OTUD3: variants seen among roughly 807,000 people sequenced by gnomAD.
OTUD3 encodes the protein OTU domain-containing protein 3.
A neutral mutation model predicts 46.2 loss-of-function variants in OTUD3; 24 were observed. The observed-to-expected ratio is 0.52, with a 90% CI of 0.38 to 0.73. OTUD3 has a LOEUF of 0.73. Ranked by LOEUF, OTUD3 falls within the 30% of genes least tolerant of loss-of-function variation. OTUD3 has a pLI of 0.00. For synonymous variants in OTUD3, 189 were observed against 195.4 expected (o/e 0.97, Z 0.27); for missense variants, 455 against 523.3 (o/e 0.87, Z 1.27).
At chr1:19,903,592 A>C (rs2045620812) in intron 4 of OTUD3, among the ~76,000 whole-genome samples, 5 of 152,180 alleles carry the variant, frequency 3.3e-5, no homozygotes, top group Admixed American at 6.5e-5. Flanking sequence ...TGGGAAGCAG[A>C]AGAAGAAGGT....
At chr1:19,901,147 T>C (rs1193834030) in intron 4 of OTUD3, among the ~76,000 whole-genome samples, 1 of 152,136 alleles carries the variant, frequency 6.6e-6, no homozygotes, top group South Asian at 2.1e-4. Flanking sequence ...TGACCTCAAG[T>C]GATCTGCTTA....
At chr1:19,882,830 C>T in intron 1 of OTUD3, 96 bp downstream of exon 1, 1 of 1,096,420 alleles carries the variant, frequency 9.1e-7, no homozygotes, top group Non-Finnish European at 1.2e-6. Context: ...TCCATTCATT[C>T]GGGCGGCCCG....
intron 4 of OTUD3, among the ~76,000 whole-genome samples, chr1:19,903,095 T>TG (rs2045613505): frequency 3.5e-5 from 5 of 140,876 alleles, no homozygotes; most frequent in African/African-American, 1.3e-4. Flanking sequence ...TTGTCCAGGC[T>TG]GGAATGCAGT....
chr1:19,904,871 T>G lies in OTUD3; in HGVS notation c.739-20T>G. On this transcript the variant is annotated intron_variant, in intron 5 of 7. Coordinates refer to ENST00000375120, the MANE Select transcript of OTUD3 (RefSeq NM_015207.2). ...CCAGAGTTTTGAAGTGGTTTTTTTG[T>G]TTGTTTGTTTCTTGGATAGGATTTT... 1 of 1,262,364 alleles carries G rather than the reference T, an allele frequency of 7.9e-7. No individual in the cohort carries two copies. Among genetic ancestry groups the G allele is most frequent in the Non-Finnish European group, 1.1e-6 (1 of 876,316 alleles). The allele number at this position is 1,262,364 out of a possible 1,614,324, so 78.2% of individuals were successfully genotyped here. A position where few individuals can be genotyped will look rare whatever the true frequency, so the allele number is the denominator to read the frequency against.
intron 3 of OTUD3, among the ~76,000 whole-genome samples, chr1:19,896,760 G>A (rs779621698): frequency 3.3e-5 from 5 of 152,212 alleles, no homozygotes; most frequent in Admixed American, 6.5e-5. Context: ...TTCTTTGGAC[G>A]TGGCGAGTTT....
chr1:19,886,275 G>C (rs1338530416), intron 1 of OTUD3, among the ~76,000 whole-genome samples: 2 of 152,112 alleles, frequency 1.3e-5, no homozygotes, highest in Non-Finnish European at 2.9e-5. Context: ...ATGTAGTTCT[G>C]AGTTACATTA....
chr1:19,898,238 G>A (rs747207854), intron 4 of OTUD3, among the ~76,000 whole-genome samples: 2 of 151,746 alleles, frequency 1.3e-5, no homozygotes, highest in Admixed American at 6.6e-5. Context: ...GTGAGCCACC[G>A]CACCTGGCCT....
chr1:19,905,011 A>G lies in OTUD3; in HGVS notation c.835+24A>G, dbSNP rs371366905. On this transcript the variant is annotated intron_variant, in intron 6 of 7. Coordinates refer to ENST00000375120, the MANE Select transcript of OTUD3 (RefSeq NM_015207.2). ...TAGTAAGTCCATGACTAATATTTAT[A>G]GATCTTCAAAATGGTTGTGTTGGTA... 8.7e-5 allele frequency: 102 copies of G among 1,171,998 alleles called. No individual in the cohort carries two copies. The African/African-American group carries it at 1.4e-3, about 16-fold the overall frequency. 72.6% of individuals were successfully genotyped at this position (1,171,998 alleles called of 1,614,324 possible).
At chr1:19,906,238 G>A (rs2045659460) in intron 6 of OTUD3, among the ~76,000 whole-genome samples, 194 bp from the exon 7 acceptor site, 1 of 152,190 alleles carries the variant, frequency 6.6e-6, no homozygotes, top group Non-Finnish European at 1.5e-5. Flanking sequence ...GGTTATTTTA[G>A]AATTTATCTT....
intron 4 of OTUD3, among the ~76,000 whole-genome samples, chr1:19,900,185 C>CT (rs1322714455): frequency 9.9e-5 from 15 of 152,042 alleles, no homozygotes; most frequent in Non-Finnish European, 1.9e-4. Flanking sequence ...TAGAATAGTA[C>CT]TTTCATAGTT....
rs1011756158 is a variant in OTUD3 at position 19,908,014 on chromosome 1, G to A, written c.*268G>A. 9.2e-5 allele frequency: 28 copies of A among 305,526 alleles called. No individual in the cohort carries two copies. Among genetic ancestry groups the A allele is most frequent in the Non-Finnish European group, 9.6e-5 (16 of 166,282 alleles). 18.9% of individuals were successfully genotyped at this position (305,526 alleles called of 1,614,324 possible). A position where few individuals can be genotyped will look rare whatever the true frequency, so the allele number is the denominator to read the frequency against. ...ACTGAGTTTTAGGGGCAGATAGTTA[G>A]GTCAGGAAAAACCTTTTAAGTGGTG... On this transcript the variant is annotated 3_prime_UTR_variant, in exon 8 of 8. Transcript: ENST00000375120.
intron 6 of OTUD3, among the ~76,000 whole-genome samples, 189 bp downstream of exon 6, chr1:19,905,176 A>G (rs2045642198): frequency 6.6e-6 from 1 of 152,108 alleles, no homozygotes; most frequent in South Asian, 2.1e-4. Flanking sequence ...AGTATAGTTC[A>G]GGGGTAGAGG....
At chr1:19,883,914 C>T (rs1230104411) in intron 1 of OTUD3, among the ~76,000 whole-genome samples, 1 of 152,242 alleles carries the variant, frequency 6.6e-6, no homozygotes, top group East Asian at 1.9e-4. Flanking sequence ...CTCATTGCTT[C>T]AGGCAGATTG....
At chr1:19,901,467 G>A (rs78525208) in intron 4 of OTUD3, among the ~76,000 whole-genome samples, 260 of 152,276 alleles carry the variant, frequency 1.7e-3, no homozygotes, top group African/African-American at 6.0e-3. Context: ...TTAATAACAA[G>A]ATGTTAATTA....
At chr1:19,888,227 A>T (rs2045397414) in intron 1 of OTUD3, among the ~76,000 whole-genome samples, 1 of 152,242 alleles carries the variant, frequency 6.6e-6, no homozygotes, top group South Asian at 2.1e-4. Flanking sequence ...CACAACAAAA[A>T]AATGATCCTG....
Position 19,904,341 on chromosome 1 carries a change from C to A in OTUD3, c.681C>A (p.Asp227Glu), listed in dbSNP as rs1472017924. 6.2e-7 allele frequency: 1 copy of A among 1,612,416 alleles called. No individual in the cohort carries two copies. Among genetic ancestry groups the A allele is most frequent in the Non-Finnish European group, 8.5e-7 (1 of 1,178,874 alleles). Reference sequence around the variant, plus strand: ...CAAAGGGAATGGACTCTGAAGACGACCTGAGAGATGAAGTAGAGGATGCTG... The same window carrying A: ...CAAAGGGAATGGACTCTGAAGACGAACTGAGAGATGAAGTAGAGGATGCTG... ...IKTKGMDSED[D>E]LRDEVEDAVQ... Residue 227 changes from aspartate (D) to glutamate (E), a missense_variant, in exon 5 of 8, where the codon GAC becomes GAA. Physicochemically the swap from Asp to Glu is conservative, Grantham distance 45 (BLOSUM62 2). Coordinates refer to ENST00000375120, the MANE Select transcript of OTUD3 (RefSeq NM_015207.2).
chr1:19,890,545 G>A lies in OTUD3; in HGVS notation c.370+12G>A, dbSNP rs1330610208. ...TTTTGAGAAGCATGGTAGGTTCACT[G>A]TGGGACATTGTGTCCTTCAGGAGTA... On this transcript the variant is annotated intron_variant, in intron 2 of 7. Coordinates refer to ENST00000375120, the MANE Select transcript of OTUD3 (RefSeq NM_015207.2). The A allele has an allele frequency of 6.2e-7, 1 of 1,612,596 alleles. No individual in the cohort carries two copies. The highest frequency in any genetic ancestry group is 1.7e-5 in the Admixed American group (1 of 60,006).
At chr1:19,893,520 G>A (rs1297948246) in intron 2 of OTUD3, among the ~76,000 whole-genome samples, 1 of 152,128 alleles carries the variant, frequency 6.6e-6, no homozygotes, top group Non-Finnish European at 1.5e-5. Flanking sequence ...TAACTTTGGT[G>A]TCCAGAGGTT....
Position 19,907,713 on chromosome 1 carries a change from C to G in OTUD3, c.1164C>G (p.Thr388=). 6.2e-7 allele frequency: 1 copy of G among 1,614,222 alleles called. No individual in the cohort carries two copies. Among genetic ancestry groups the G allele is most frequent in the Non-Finnish European group, 8.5e-7 (1 of 1,180,030 alleles). Residue 388 remains threonine, a synonymous_variant, in exon 8 of 8, where the codon ACC becomes ACG. Transcript: ENST00000375120. ...AAGCAGAGGCGAACACGCAGGTCAC[C>G]TTGGTGAAGACCTTCGCCGCTCTCA... ...RSEAEANTQV[T]LVKTFAALNI
Sources: allele counts gnomAD v4.1 joint callset (sites outside exome capture counted in the v4.1 genomes callset), GRCh38; gene constraint gnomAD v4.1.1; transcripts MANE v1.5; gene names NCBI Gene and HGNC (gene_info 2026-07-23, HGNC 2026-07-21).